Variants in NRXN3 observed in about 807,000 individuals in gnomAD.
The protein encoded by NRXN3 is neurexin 3.
Under a neutral mutation model 137.6 loss-of-function variants are expected in NRXN3, and 32 were observed. The observed-to-expected ratio is 0.23, with a 90% CI of 0.18 to 0.31. The LOEUF is 0.31. Ranked by LOEUF, NRXN3 falls within the 10% of genes least tolerant of loss-of-function variation. The pLI, the probability that NRXN3 is intolerant of heterozygous loss-of-function variation, is 1.00. For synonymous variants in NRXN3, 798 were observed against 784.5 expected, an observed-to-expected ratio of 1.02 and a Z score of -0.29; for missense variants, 1,574 against 2,062.5, an observed-to-expected ratio of 0.76 and a Z score of 4.59.
chr14:79,701,063 A>AGGTAGC (rs2098752818), intron 19 of NRXN3, among the ~76,000 whole-genome samples: 1 of 152,062 alleles, frequency 6.6e-6, no homozygotes, highest in African/African-American at 2.4e-5. Flanking sequence ...GTCATTTCAC[A>AGGTAGC]ATGGAAGGTA....
At chr14:79,281,022 C>T (rs2153442934) in intron 15 of NRXN3, among the ~76,000 whole-genome samples, 1 of 152,170 alleles carries the variant, frequency 6.6e-6, no homozygotes, top group East Asian at 1.9e-4. Flanking sequence ...TATAAAGTAG[C>T]CTGTGTGGTA....
intron 16 of NRXN3, among the ~76,000 whole-genome samples, chr14:79,495,542 G>T (rs2096758038): frequency 6.6e-6 from 1 of 152,078 alleles, no homozygotes; most frequent in Admixed American, 6.5e-5. Flanking sequence ...AAATTCAGGG[G>T]CAAATTATAT....
rs996272457 is a variant in NRXN3, at chr14:79,442,850, G to A, written c.3263-24371G>A. Among the ~76,000 whole-genome samples, 6 of 152,270 alleles carry A rather than the reference G, an allele frequency of 3.9e-5. No individual in the cohort carries two copies. The South Asian group carries it at 1.0e-3, about 26-fold the overall frequency. On this transcript the variant is annotated intron_variant, in intron 15 of 20. Coordinates refer to ENST00000335750, the MANE Select transcript of NRXN3 (RefSeq NM_001330195.2). ...AACCTTGAGCAGGGACACCCTAGAC[G>A]TTCAACTGTTCCGTGTGATCAGTGT... is the stretch of plus-strand genomic sequence containing the variant.
chr14:79,612,116 A>G (rs188825965), intron 16 of NRXN3, among the ~76,000 whole-genome samples: 2 of 152,332 alleles, frequency 1.3e-5, no homozygotes, highest in Non-Finnish European at 2.9e-5. Context: ...AATCAATGCT[A>G]ATGTCAATGC....
rs145322147 is a variant in NRXN3 at position 79,175,717 on chromosome 14, C to T, written c.3262+187576C>T. 5.3e-4 allele frequency among the ~76,000 whole-genome samples: 81 copies of T among 152,330 alleles called. No homozygotes were observed. In the East Asian group the frequency reaches 0.013, roughly 25 times the overall value. On this transcript the variant is annotated intron_variant, in intron 15 of 20. Transcript: ENST00000335750. ...GCTTCAGAGTGGGAAACAGTCTTCA[C>T]TGCTTATAACTGAGTTCCAGAATTT...
At chr14:78,801,601 A>C (rs2098839217) in intron 8 of NRXN3, among the ~76,000 whole-genome samples, 1 of 152,190 alleles carries the variant, frequency 6.6e-6, no homozygotes, top group African/African-American at 2.4e-5. Context: ...CTCCTTCGAC[A>C]CATAGGGATT....
intron 18 of NRXN3, among the ~76,000 whole-genome samples, chr14:79,696,340 T>G (rs1222582349): frequency 6.6e-6 from 1 of 151,974 alleles, no homozygotes; most frequent in Non-Finnish European, 1.5e-5. Flanking sequence ...CAAAATTGTT[T>G]CTAGTTATTT....
intron 19 of NRXN3, among the ~76,000 whole-genome samples, chr14:79,712,440 G>A (rs1478237456): frequency 6.6e-6 from 1 of 152,178 alleles, no homozygotes; most frequent in African/African-American, 2.4e-5. Flanking sequence ...TGAAAACAAT[G>A]TAAGATCATA....
chr14:79,165,491 G>A (rs2061201521), intron 15 of NRXN3, among the ~76,000 whole-genome samples: 1 of 151,952 alleles, frequency 6.6e-6, no homozygotes, highest in Admixed American at 6.6e-5. Flanking sequence ...GATTTTGTGT[G>A]TTCTCATCAA....
At chr14:79,123,769 C>T (rs920577511) in intron 15 of NRXN3, among the ~76,000 whole-genome samples, 45 of 152,260 alleles carry the variant, frequency 3.0e-4, no homozygotes, top group African/African-American at 1.0e-3. Flanking sequence ...GGAGATTACG[C>T]TTAAAGTGGG....
At chr14:78,352,563 G>T (rs762643733) in intron 4 of NRXN3, among the ~76,000 whole-genome samples, 1 of 152,194 alleles carries the variant, frequency 6.6e-6, no homozygotes, top group Non-Finnish European at 1.5e-5. Context: ...TATTGGCGGG[G>T]TTGGGGAGGG....
At chr14:79,118,171 A>G (rs2054786419) in intron 15 of NRXN3, among the ~76,000 whole-genome samples, 1 of 151,882 alleles carries the variant, frequency 6.6e-6, no homozygotes. Context: ...AAAAAAAAAA[A>G]GGAATGACTC....
chr14:79,222,765 C>T (rs2070030783), intron 15 of NRXN3, among the ~76,000 whole-genome samples: 1 of 152,042 alleles, frequency 6.6e-6, no homozygotes, highest in African/African-American at 2.4e-5. Context: ...ATTTGCATTT[C>T]CCCAGTGACA....
intron 16 of NRXN3, among the ~76,000 whole-genome samples, chr14:79,601,778 T>C (rs221430): frequency 0.46 from 70,363 of 151,904 alleles, 18,495 homozygotes; most frequent in African/African-American, 0.73. Flanking sequence ...ATAAAATAAA[T>C]GAGTCAATGT....
At chr14:78,749,326 A>G (rs2098629907) in intron 8 of NRXN3, among the ~76,000 whole-genome samples, 1 of 152,196 alleles carries the variant, frequency 6.6e-6, no homozygotes, top group African/African-American at 2.4e-5. Flanking sequence ...TGCCAAAACA[A>G]TGCCCATAGA....
intron 4 of NRXN3, among the ~76,000 whole-genome samples, chr14:78,430,842 T>C (rs940060910): frequency 6.6e-6 from 1 of 152,162 alleles, no homozygotes; most frequent in Admixed American, 6.5e-5. Flanking sequence ...CTTGTAAAGA[T>C]GGATTGCAAT....
At chr14:78,396,076 A>T (rs1347858731) in intron 4 of NRXN3, among the ~76,000 whole-genome samples, 4 of 151,160 alleles carry the variant, frequency 2.6e-5, no homozygotes, top group African/African-American at 7.3e-5. Flanking sequence ...CCTGTTTGTT[A>T]CTTGAATTTT....
At chr14:78,377,156 G>A (rs1184515928) in intron 4 of NRXN3, among the ~76,000 whole-genome samples, 1 of 152,134 alleles carries the variant, frequency 6.6e-6, no homozygotes, top group Non-Finnish European at 1.5e-5. Flanking sequence ...ACCCAACTCT[G>A]TGTTATCTAT....
intron 4 of NRXN3, among the ~76,000 whole-genome samples, chr14:78,499,175 C>T (rs2095840647): frequency 6.6e-6 from 1 of 151,826 alleles, no homozygotes; most frequent in African/African-American, 2.4e-5. Flanking sequence ...ACCTCTATTA[C>T]TATTGTGAAT....
Sources: gnomAD v4.1 joint callset for allele counts (sites outside exome capture counted in the v4.1 genomes callset) on GRCh38, gnomAD v4.1.1 for gene constraint, MANE v1.5 for transcripts, NCBI Gene and HGNC (gene_info 2026-07-23, HGNC 2026-07-21) for gene names.